FGF12: variants seen among roughly 807,000 people sequenced by gnomAD.
FGF12 encodes the protein fibroblast growth factor 12B.
FGF12 carries 14 observed loss-of-function variants against 23.6 expected under a neutral mutation model. The ratio of observed to expected loss-of-function variants is 0.59; its 90% confidence interval spans 0.39 to 0.93. FGF12 has a LOEUF of 0.93. FGF12 is among the 40% of genes least tolerant of loss of function. The probability of loss-of-function intolerance (pLI) is 0.00; values close to 1 mark genes in which losing one functional copy is unlikely to be tolerated. For synonymous variants in FGF12, 62 were observed against 77.3 expected (o/e 0.80, Z 1.04); for missense variants, 175 against 217.8 (o/e 0.80, Z 1.24).
At chr3:192,211,291 A>C (rs1352738937) in intron 4 of FGF12, among the ~76,000 whole-genome samples, 2 of 152,232 alleles carry the variant, frequency 1.3e-5, no homozygotes, top group South Asian at 2.1e-4. Flanking sequence ...GGTGGTTTTT[A>C]AGCAACTAAA....
At chr3:192,698,205 T>C (rs571782732) in intron 2 of FGF12, among the ~76,000 whole-genome samples, 1 of 152,288 alleles carries the variant, frequency 6.6e-6, no homozygotes, top group Admixed American at 6.5e-5. Flanking sequence ...AACTAATCAA[T>C]TAATAAGAGG....
chr3:192,642,376 A>G (rs925008577), intron 2 of FGF12, among the ~76,000 whole-genome samples: 9 of 152,228 alleles, frequency 5.9e-5, no homozygotes, highest in African/African-American at 2.2e-4. Flanking sequence ...AGTGCTCCTA[A>G]GAGAACAGCA....
chr3:192,349,240 C>T (rs73068540), intron 3 of FGF12, among the ~76,000 whole-genome samples: 324 of 152,100 alleles, frequency 2.1e-3, no homozygotes, highest in African/African-American at 7.1e-3. Context: ...ATGTTGAAGA[C>T]GGAGCACAGG....
At chr3:192,246,418 G>C (rs1321407885) in intron 4 of FGF12, among the ~76,000 whole-genome samples, 1 of 152,164 alleles carries the variant, frequency 6.6e-6, no homozygotes, top group Non-Finnish European at 1.5e-5. Context: ...GTTGTAGATA[G>C]ATATACACTT....
In FGF12 at chr3:192,150,675, ATC is replaced by A. The variant is rs1714000515; in HGVS notation, c.428-6550_428-6549del. ...GCTCTATTCTGTTCCATTGATCTAT[ATC>A]TCTGTTTTGGTACCAGTACCATGCT... On this transcript the variant is annotated intron_variant, in intron 5 of 5. Coordinates refer to ENST00000445105, the MANE Select transcript of FGF12 (RefSeq NM_004113.6). Among the ~76,000 whole-genome samples, 5 of 149,754 alleles carry A rather than the reference ATC, an allele frequency of 3.3e-5. No homozygotes were observed. The South Asian group carries it at 1.1e-3, about 32-fold the overall frequency.
At chr3:192,667,252 C>G (rs1716918534) in intron 2 of FGF12, among the ~76,000 whole-genome samples, 1 of 152,154 alleles carries the variant, frequency 6.6e-6, no homozygotes, top group East Asian at 1.9e-4. Flanking sequence ...GGGAGAAAAG[C>G]TTCTGGAAAG....
chr3:192,417,657 G>A (rs532215839), intron 2 of FGF12, among the ~76,000 whole-genome samples: 38 of 152,190 alleles, frequency 2.5e-4, no homozygotes, highest in African/African-American at 8.9e-4. Context: ...ATTAAAACAA[G>A]AAATAAATGT....
At position 192,424,726 on chromosome 3, in the gene FGF12, G is replaced by T. The variant is rs558658325; in HGVS notation, c.14-64188C>A. ...CACAGGAGGAGAGTCTATAAACAAC[G>T]TTTATTCTTAGCAATGATTCACCGT... On this transcript the variant is annotated intron_variant, in intron 2 of 5. Transcript: ENST00000445105. Among the ~76,000 whole-genome samples the T allele has an allele frequency of 6.6e-5, 10 of 151,952 alleles. No homozygotes were observed. The East Asian group carries it at 1.9e-3, about 29-fold the overall frequency.
rs552543672 is a variant in FGF12 at position 192,512,354 on chromosome 3, GA to G, written c.14-151817del. ...GTCATACTAATGGCACAGACCACAT[GA>G]AAAAAATATCGCTTTAAAATAGAAC... On this transcript the variant is annotated intron_variant, in intron 2 of 5. Transcript: ENST00000445105. 7.2e-5 allele frequency among the ~76,000 whole-genome samples: 11 copies of G among 151,988 alleles called. No individual in the cohort carries two copies. The East Asian group carries it at 1.9e-3, about 27-fold the overall frequency.
intron 2 of FGF12, among the ~76,000 whole-genome samples, chr3:192,668,274 G>T (rs758253344): frequency 3.9e-5 from 6 of 152,036 alleles, no homozygotes; most frequent in Non-Finnish European, 5.9e-5. Context: ...TTTCTTCATC[G>T]TGGAACCAGA....
chr3:192,477,970 C>CCCA (rs1723373870), intron 2 of FGF12, among the ~76,000 whole-genome samples: 2 of 152,106 alleles, frequency 1.3e-5, no homozygotes, highest in South Asian at 4.1e-4. Flanking sequence ...ACATGGGCAT[C>CCCA]CATAGGTTAC....
chr3:192,439,973 A>AT (rs1265362857), intron 2 of FGF12, among the ~76,000 whole-genome samples: 3 of 140,840 alleles, frequency 2.1e-5, no homozygotes, highest in African/African-American at 9.1e-5. Context: ...AAGACTCCAT[A>AT]TGGAAAAAAA....
intron 2 of FGF12, among the ~76,000 whole-genome samples, chr3:192,614,285 T>C (rs1397679058): frequency 6.6e-6 from 1 of 151,920 alleles, no homozygotes; most frequent in Non-Finnish European, 1.5e-5. Flanking sequence ...TCAAACAATC[T>C]GCTACAAAGA....
At chr3:192,288,802 T>A (rs543454643) in intron 4 of FGF12, among the ~76,000 whole-genome samples, 1 of 152,156 alleles carries the variant, frequency 6.6e-6, no homozygotes, top group Non-Finnish European at 1.5e-5. Context: ...CATTTTTCTA[T>A]TTGAAATGAC....
At chr3:192,217,340 T>C (rs745999559) in intron 4 of FGF12, among the ~76,000 whole-genome samples, 10 of 152,328 alleles carry the variant, frequency 6.6e-5, no homozygotes, top group Non-Finnish European at 1.5e-4. Flanking sequence ...AAGTACTTTT[T>C]CCATATTCTT....
At chr3:192,524,312 G>A (rs1246988409) in intron 2 of FGF12, among the ~76,000 whole-genome samples, 1 of 152,212 alleles carries the variant, frequency 6.6e-6, no homozygotes, top group Non-Finnish European at 1.5e-5. Context: ...CTTTTTAGAA[G>A]CAGAAGGCAG....
rs1001937111 is a variant in FGF12, at chr3:192,409,433, G to C, written c.14-48895C>G. Reference sequence around the variant, plus strand: ...AAGGGAGGGAAGGAAGGGGCGCCCTGGCGGGCTCGGGATCAGGTCATCGCC... The same window carrying C: ...AAGGGAGGGAAGGAAGGGGCGCCCTCGCGGGCTCGGGATCAGGTCATCGCC... On this transcript the variant is annotated intron_variant, in intron 2 of 5. Transcript: ENST00000445105. The surrounding 1 kb of genome is among the most constrained non-coding windows in gnomAD (Gnocchi z 4.8). Among the ~76,000 whole-genome samples, 2 of 152,180 alleles carry C rather than the reference G, an allele frequency of 1.3e-5. No homozygotes were observed. The highest frequency in any genetic ancestry group is 1.9e-4 in the East Asian group (1 of 5,154).
At chr3:192,538,981 T>G (rs1560143856) in intron 2 of FGF12, among the ~76,000 whole-genome samples, 1 of 152,324 alleles carries the variant, frequency 6.6e-6, no homozygotes, top group South Asian at 2.1e-4. Context: ...GATTTATGTA[T>G]GTTAATTTTG....
chr3:192,537,194 A>C (rs1725244873), intron 2 of FGF12, among the ~76,000 whole-genome samples: 1 of 152,142 alleles, frequency 6.6e-6, no homozygotes, highest in African/African-American at 2.4e-5. Flanking sequence ...CTCTTCATCC[A>C]TTTGTCTGTT....
Sources: gnomAD v4.1 joint callset for allele counts (sites outside exome capture counted in the v4.1 genomes callset) on GRCh38, gnomAD v4.1.1 for gene constraint, Gnocchi (gnomAD v3.1) non-coding constraint, MANE v1.5 for transcripts, NCBI Gene and HGNC (gene_info 2026-07-23, HGNC 2026-07-21) for gene names.